Variants in ADAMTS19 observed in about 807,000 individuals in gnomAD.
The protein encoded by ADAMTS19 is ADAM metallopeptidase with thrombospondin type 1 motif 19.
In ADAMTS19, 93 loss-of-function variants were observed where a neutral mutation model predicts 153.3. That is an observed-to-expected ratio of 0.61 (90% CI 0.51 to 0.72). The LOEUF (loss-of-function observed/expected upper bound fraction) is 0.72, where lower values mean the gene tolerates loss of function less well. Among genes scored for constraint, ADAMTS19 ranks in the 30% least tolerant of loss-of-function variants. The pLI is 0.00. For missense variants in ADAMTS19, 1,482 were observed against 1,552.1 expected (o/e 0.95, Z 0.76); for synonymous variants, 600 against 556.6 (o/e 1.08, Z -1.10).
At chr5:129,608,592 C>T (rs12657285) in intron 8 of ADAMTS19, among the ~76,000 whole-genome samples, 1 of 151,974 alleles carries the variant, frequency 6.6e-6, no homozygotes, top group Admixed American at 6.6e-5. Context: ...AGGATATGCT[C>T]TAAGAGGAGA....
In ADAMTS19 at chr5:129,572,971, A is replaced by G. The variant is rs566485802; in HGVS notation, c.1372+21064A>G. Among the ~76,000 whole-genome samples, 15 of 152,202 alleles carry G rather than the reference A, an allele frequency of 9.9e-5. No homozygotes were observed. The East Asian group carries it at 2.3e-3, about 23-fold the overall frequency. ...GAGTAAGAAATTTTATCTGATTGTTAGATTTGCTTTTAGCATTACAACTGT... is the reference window on the plus strand; with the variant it reads ...GAGTAAGAAATTTTATCTGATTGTTGGATTTGCTTTTAGCATTACAACTGT... On this transcript the variant is annotated intron_variant, in intron 7 of 22. Coordinates refer to ENST00000274487, the MANE Select transcript of ADAMTS19 (RefSeq NM_133638.6).
At position 129,513,143 on chromosome 5, in the gene ADAMTS19, A is replaced by G. The variant is rs75526985; in HGVS notation, c.913+3901A>G. 1.6e-3 allele frequency among the ~76,000 whole-genome samples: 236 copies of G among 151,822 alleles called. 1 individual carries two copies. The East Asian group carries it at 0.029, about 19-fold the overall frequency. On this transcript the variant is annotated intron_variant, in intron 3 of 22. Transcript: ENST00000274487. ...AAGGCCTCTTCCAATATCCTCGACT[A>G]TTTATCTAGTCACTTGAAAATTAAA... is the stretch of plus-strand genomic sequence containing the variant.
intron 2 of ADAMTS19, 102 bp from the exon 3 acceptor site, chr5:129,508,975 T>C (rs1240459955): frequency 3.2e-6 from 3 of 933,750 alleles, no homozygotes; most frequent in Admixed American, 5.9e-5. Flanking sequence ...TAGAAGACTG[T>C]ATGCATGTTT....
chr5:129,664,446 T>G (rs944589645), intron 15 of ADAMTS19, among the ~76,000 whole-genome samples: 3 of 152,194 alleles, frequency 2.0e-5, no homozygotes, highest in Admixed American at 2.0e-4. Flanking sequence ...TTAGTGTTGC[T>G]GAAATGTGCA....
chr5:129,623,599 T>C (rs955162771), intron 10 of ADAMTS19, among the ~76,000 whole-genome samples: 3 of 152,180 alleles, frequency 2.0e-5, no homozygotes, highest in Non-Finnish European at 4.4e-5. Flanking sequence ...TATTGAATGC[T>C]CTCTTTGGTT....
chr5:129,636,908 A>C (rs995690800), intron 10 of ADAMTS19, among the ~76,000 whole-genome samples: 1 of 152,206 alleles, frequency 6.6e-6, no homozygotes, highest in African/African-American at 2.4e-5. Context: ...ATTTAGAAGC[A>C]ACTTTGGGGC....
chr5:129,541,279 CAT>C (rs1752645206), intron 6 of ADAMTS19, among the ~76,000 whole-genome samples: 1 of 150,648 alleles, frequency 6.6e-6, no homozygotes, highest in Admixed American at 6.7e-5. Context: ...GTGCATTTGT[CAT>C]AGTTTTATCG....
In ADAMTS19 at chr5:129,461,076, C is replaced by A; in HGVS notation, c.92-26C>A. The stretch of plus-strand genomic sequence containing the variant: ...ACTGGAACCGCGGCACTTTAAGCCC[C>A]GCACTTCTGTCTGCCCCGCCCGCAG... On this transcript the variant is annotated intron_variant, in intron 1 of 22. Transcript: ENST00000274487. The surrounding 1 kb of genome is among the most constrained non-coding windows in gnomAD (Gnocchi z 4.6). 7.3e-7 allele frequency: 1 copy of A among 1,360,762 alleles called. No homozygotes were observed. Among genetic ancestry groups the A allele is most frequent in the Non-Finnish European group, 9.4e-7 (1 of 1,060,234 alleles). 84.3% of individuals were successfully genotyped at this position (1,360,762 alleles called of 1,614,324 possible).
At chr5:129,609,131 C>T (rs1751071842) in intron 8 of ADAMTS19, among the ~76,000 whole-genome samples, 1 of 152,156 alleles carries the variant, frequency 6.6e-6, no homozygotes, top group Admixed American at 6.6e-5. Context: ...TCACAGATAT[C>T]TTCCTCTGAC....
At chr5:129,607,788 C>G (rs1750977947) in intron 8 of ADAMTS19, among the ~76,000 whole-genome samples, 1 of 151,794 alleles carries the variant, frequency 6.6e-6, no homozygotes, top group Admixed American at 6.6e-5. Context: ...AGGGCCAAAT[C>G]TAGCAATTGT....
chr5:129,722,141 G>A (rs6869212), intron 21 of ADAMTS19, among the ~76,000 whole-genome samples: 78,020 of 151,914 alleles, frequency 0.51, 21,410 homozygotes, highest in Non-Finnish European at 0.62. Flanking sequence ...TGGATCAAAT[G>A]GTATTTCTGG....
intron 16 of ADAMTS19, among the ~76,000 whole-genome samples, chr5:129,677,850 T>C (rs2127111413): frequency 6.6e-6 from 1 of 152,142 alleles, no homozygotes; most frequent in Middle Eastern, 3.4e-3. Context: ...TCTGGTTCTG[T>C]TGCCCAGGCT....
intron 16 of ADAMTS19, among the ~76,000 whole-genome samples, chr5:129,679,174 C>G (rs1754681554): frequency 6.6e-6 from 1 of 152,094 alleles, no homozygotes; most frequent in African/African-American, 2.4e-5. Flanking sequence ...TGAGAAATAA[C>G]ATTTATCTTC....
chr5:129,545,127 T>G (rs569462606), intron 6 of ADAMTS19, among the ~76,000 whole-genome samples: 77 of 152,222 alleles, frequency 5.1e-4, no homozygotes, highest in African/African-American at 1.8e-3. Flanking sequence ...TAACAGGGAT[T>G]ATAAAACAAG....
intron 21 of ADAMTS19, among the ~76,000 whole-genome samples, chr5:129,716,080 G>A (rs1280885013): frequency 6.6e-6 from 1 of 152,082 alleles, no homozygotes; most frequent in Non-Finnish European, 1.5e-5. Context: ...CATGTGATGG[G>A]GACTGAATCA....
At chr5:129,469,796 C>T (rs1749999993) in intron 2 of ADAMTS19, among the ~76,000 whole-genome samples, 1 of 152,134 alleles carries the variant, frequency 6.6e-6, no homozygotes, top group Non-Finnish European at 1.5e-5. Context: ...TTAGTAAGTA[C>T]TCAATCTCTC....
At position 129,526,277 on chromosome 5, in the gene ADAMTS19, G is replaced by T. The variant is rs776150268; in HGVS notation, c.914-7G>T. 6 of 1,555,724 alleles carry T rather than the reference G, an allele frequency of 3.9e-6. No individual in the cohort carries two copies. Among genetic ancestry groups the T allele is most frequent in the East Asian group, 2.4e-5 (1 of 41,646 alleles). ...GGTGCATTGAAAAATTCAATTCTCT[G>T]TTGCAGATAAAGGAAGACCTAGGTC... On this transcript the variant is annotated splice_polypyrimidine_tract_variant and splice_region_variant and intron_variant, in intron 3 of 22. Transcript: ENST00000274487.
rs148184017 is a variant in ADAMTS19, at chr5:129,630,208, C to T, written c.1770+7860C>T. Reference sequence around the variant, plus strand: ...ATTGAAATAAAGTAATGGCAGAAACCGCAATTATGTTTGCACCAACCTAAT... The same window carrying T: ...ATTGAAATAAAGTAATGGCAGAAACTGCAATTATGTTTGCACCAACCTAAT... On this transcript the variant is annotated intron_variant, in intron 10 of 22. Transcript: ENST00000274487. 5.0e-3 allele frequency among the ~76,000 whole-genome samples: 755 copies of T among 152,090 alleles called. 8 individuals carry two copies. The highest frequency in any genetic ancestry group is 0.017 in the African/African-American group (721 of 41,492).
chr5:129,694,681 G>T, intron 18 of ADAMTS19, 39 bp from the exon 19 acceptor site: 1 of 1,475,880 alleles, frequency 6.8e-7, no homozygotes, highest in Non-Finnish European at 9.1e-7. Context: ...TTACATAAAG[G>T]CTTATAATAA....
Sources: gnomAD v4.1 joint callset for allele counts (sites outside exome capture counted in the v4.1 genomes callset) on GRCh38, gnomAD v4.1.1 for gene constraint, Gnocchi (gnomAD v3.1) non-coding constraint, MANE v1.5 for transcripts, NCBI Gene and HGNC (gene_info 2026-07-23, HGNC 2026-07-21) for gene names.